DSTYK: variants seen among roughly 807,000 people sequenced by gnomAD.
DSTYK encodes dual serine/threonine and tyrosine protein kinase, also known as RIP-homologous kinase.
A neutral mutation model predicts 98.7 loss-of-function variants in DSTYK; 34 were observed. The observed-to-expected ratio is 0.34, with a 90% CI of 0.26 to 0.46. The LOEUF (loss-of-function observed/expected upper bound fraction) is 0.46, where lower values mean the gene tolerates loss of function less well. Ranked by LOEUF, DSTYK falls within the 20% of genes least tolerant of loss-of-function variation. The pLI is 1.00. For missense variants in DSTYK, 962 were observed against 1,181.7 expected (o/e 0.81, Z 2.73); for synonymous variants, 462 against 457.3 (o/e 1.01, Z -0.13).
At chr1:205,186,885 T>C (rs528082834) in intron 2 of DSTYK, among the ~76,000 whole-genome samples, 1 of 152,308 alleles carries the variant, frequency 6.6e-6, no homozygotes, top group African/African-American at 2.4e-5. Context: ...GTCCTCACAT[T>C]CCCATGTTCC....
At chr1:205,196,095 C>T (rs1005257673) in intron 1 of DSTYK, among the ~76,000 whole-genome samples, 1 of 152,226 alleles carries the variant, frequency 6.6e-6, no homozygotes, top group East Asian at 1.9e-4. Flanking sequence ...GGGAAACTCA[C>T]TCACCTCACC....
intron 1 of DSTYK, among the ~76,000 whole-genome samples, chr1:205,199,980 A>C (rs1057019429): frequency 1.3e-5 from 2 of 152,194 alleles, no homozygotes; most frequent in African/African-American, 4.8e-5. Flanking sequence ...TTTTCCATCA[A>C]AGAGAAAATA....
chr1:205,158,279 G>A (rs2102394385), intron 9 of DSTYK, among the ~76,000 whole-genome samples: 1 of 152,258 alleles, frequency 6.6e-6, no homozygotes, highest in South Asian at 2.1e-4. Flanking sequence ...ACTCTGGGAA[G>A]CATTTCTAAG....
intron 8 of DSTYK, 150 bp from the exon 9 acceptor site, chr1:205,159,829 C>T: frequency 1.0e-6 from 1 of 993,670 alleles, no homozygotes; most frequent in Non-Finnish European, 1.5e-6. Context: ...TCAGTACAGA[C>T]AGAGCATGGC....
chr1:205,193,647 G>C (rs1049155184), intron 1 of DSTYK, among the ~76,000 whole-genome samples: 1 of 152,140 alleles, frequency 6.6e-6, no homozygotes, highest in Non-Finnish European at 1.5e-5. Flanking sequence ...CAGGTGGGTG[G>C]ATCACTTGAG....
At chr1:205,165,182 CT>C (rs1259530873) in intron 3 of DSTYK, among the ~76,000 whole-genome samples, 4 of 152,258 alleles carry the variant, frequency 2.6e-5, no homozygotes, top group Admixed American at 2.0e-4. Context: ...CAACCTCCGC[CT>C]TCTGGGTTCA....
intron 1 of DSTYK, chr1:205,202,816 A>C: frequency 3.8e-6 from 2 of 529,156 alleles, no homozygotes; most frequent in Middle Eastern, 5.5e-4. Context: ...ATAAAGGCAT[A>C]ATCTGTATGA....
At position 205,163,848 on chromosome 1, in the gene DSTYK, T is replaced by C. The variant is rs1435930346; in HGVS notation, c.1432A>G (p.Asn478Asp). ...IISRLNQAVA[N>D]KLISSVDYLR... is the part of the protein sequence containing the mutation. Reference sequence around the variant, plus strand: ...TAATCCACTGAGCTGATCAGCTTATTAGCCACTGCCTGATTAAGTCGGGAG... The same window carrying C: ...TAATCCACTGAGCTGATCAGCTTATCAGCCACTGCCTGATTAAGTCGGGAG... The change falls in exon 4 of 13, where the codon AAT becomes GAT. Residue 478 changes from asparagine to aspartate, a missense_variant. By Grantham distance (23) the Asn-to-Asp change is conservative. Around this residue, in one of 4 missense-constraint regions of DSTYK, gnomAD observed 660 missense variants for 855.0 expected, o/e 0.77. Coordinates refer to ENST00000367162, the MANE Select transcript of DSTYK (RefSeq NM_015375.3). 6.2e-7 allele frequency: 1 copy of C among 1,614,054 alleles called. No homozygotes were observed. The highest frequency in any genetic ancestry group is 8.5e-7 in the Non-Finnish European group (1 of 1,180,034).
rs761042362 is a variant in DSTYK, at chr1:205,147,516, G to T, written c.*42C>A. The stretch of plus-strand genomic sequence containing the variant: ...TCTCCCCATGGCCAAAAGGTGAGGG[G>T]GAAGGAAATAACTAGAGAGTGAAAG... On this transcript the variant is annotated 3_prime_UTR_variant, in exon 13 of 13. Coordinates refer to ENST00000367162, the MANE Select transcript of DSTYK (RefSeq NM_015375.3). The T allele has an allele frequency of 4.4e-6, 7 of 1,579,930 alleles. No homozygotes were observed. The highest frequency in any genetic ancestry group is 1.7e-4 in the Middle Eastern group (1 of 5,928).
chr1:205,175,353 A>G lies in DSTYK; in HGVS notation c.655-5521T>C, dbSNP rs564162228. On this transcript the variant is annotated intron_variant, in intron 2 of 12. Transcript: ENST00000367162. ...GTGATCCGCCTGCCTCAGCCTCCCA[A>G]AGTGCTGGGATTACAGGCGTGAGCC... Among the ~76,000 whole-genome samples the G allele has an allele frequency of 7.2e-5, 11 of 151,994 alleles. No homozygotes were observed. In the South Asian group the frequency reaches 2.1e-3, roughly 29 times the overall value.
chr1:205,210,510 A>G (rs1421961549), intron 1 of DSTYK, among the ~76,000 whole-genome samples: 1 of 152,194 alleles, frequency 6.6e-6, no homozygotes, highest in Non-Finnish European at 1.5e-5. Flanking sequence ...AAAGGAAGCA[A>G]GACGTTAGGA....
At position 205,157,352 on chromosome 1, in the gene DSTYK, G is replaced by A; in HGVS notation, c.2273C>T (p.Ala758Val). 1 of 1,614,138 alleles carries A rather than the reference G, an allele frequency of 6.2e-7. No individual in the cohort carries two copies. Among genetic ancestry groups the A allele is most frequent in the Non-Finnish European group, 8.5e-7 (1 of 1,180,002 alleles). ...GLTLETRLQIALDVVEGIRFL... is the reference protein window; with the variant it reads ...GLTLETRLQIVLDVVEGIRFL... ...GCGGATTCCCTCCACCACATCTAGT[G>A]CTATCTGCAAACGTGTCTCCAGGGT... Residue 758 changes from alanine (A) to valine (V), a missense_variant, in exon 10 of 13, where the codon GCA becomes GTA. Transcript: ENST00000367162.
intron 1 of DSTYK, among the ~76,000 whole-genome samples, chr1:205,194,783 C>T (rs561475047): frequency 1.5e-4 from 22 of 151,572 alleles, no homozygotes; most frequent in Middle Eastern, 3.4e-3. Context: ...GCAACCTCCA[C>T]CTCCCTGGTT....
At chr1:205,206,415 G>A (rs778518195) in intron 1 of DSTYK, among the ~76,000 whole-genome samples, 43 of 141,134 alleles carry the variant, frequency 3.0e-4, no homozygotes, top group Non-Finnish European at 5.5e-4. Context: ...GAGTAGCTGG[G>A]ATTACAGGCA....
chr1:205,172,729 C>T (rs185463344), intron 2 of DSTYK, among the ~76,000 whole-genome samples: 7 of 152,256 alleles, frequency 4.6e-5, no homozygotes, highest in Non-Finnish European at 1.0e-4. Context: ...TTTGCCTGGC[C>T]ACTTTGAACT....
chr1:205,166,133 G>A (rs143009540), intron 3 of DSTYK, among the ~76,000 whole-genome samples: 252 of 152,282 alleles, frequency 1.7e-3, no homozygotes, highest in Non-Finnish European at 3.1e-3. Context: ...AGACAAATTT[G>A]TATGAATATT....
chr1:205,193,265 T>C (rs989566503), intron 1 of DSTYK, among the ~76,000 whole-genome samples: 2 of 152,170 alleles, frequency 1.3e-5, no homozygotes, highest in African/African-American at 4.8e-5. Context: ...AGGGAGGAAA[T>C]ACTCGTGACC....
At chr1:205,184,080 C>T (rs10900461) in intron 2 of DSTYK, among the ~76,000 whole-genome samples, 74,848 of 151,808 alleles carry the variant, frequency 0.49, 21,297 homozygotes, top group Non-Finnish European at 0.63. Flanking sequence ...TAACTCAACA[C>T]CCCATCCAAG....
In DSTYK at chr1:205,159,566, T is replaced by A. The variant is rs764717592; in HGVS notation, c.2219A>T (p.Asp740Val). Residue 740 changes from aspartate (D) to valine (V), a missense_variant, in exon 9 of 13, where the codon GAT (aspartate) becomes GTT (valine). Coordinates refer to ENST00000367162, the MANE Select transcript of DSTYK (RefSeq NM_015375.3). ...CCTTACCTTCAGCCCTGTGTAGAGA[T>A]CCCGGTGTAGCCGCTCCATAATGAG... is the stretch of plus-strand genomic sequence containing the variant. ...VLLIMERLHR[D>V]LYTGLKAGLT... 6.2e-7 allele frequency: 1 copy of A among 1,611,806 alleles called. No individual in the cohort carries two copies. Among genetic ancestry groups the A allele is most frequent in the South Asian group, 1.1e-5 (1 of 90,482 alleles).
Sources: allele counts gnomAD v4.1 joint callset (sites outside exome capture counted in the v4.1 genomes callset), GRCh38; gene constraint gnomAD v4.1.1; regional missense constraint gnomAD v4.1.1; transcripts MANE v1.5; gene names NCBI Gene and HGNC (gene_info 2026-07-23, HGNC 2026-07-21).